Variants in ZNF813 observed in about 807,000 individuals in gnomAD.
The protein encoded by ZNF813 is zinc finger protein 813.
A neutral mutation model predicts 7.2 loss-of-function variants in ZNF813; 3 were observed. That is an observed-to-expected ratio of 0.42 (90% CI 0.19 to 1.08). The LOEUF (loss-of-function observed/expected upper bound fraction) is 1.08, where lower values mean the gene tolerates loss of function less well. ZNF813 is among the 50% of genes least tolerant of loss of function. The pLI is 0.30. For synonymous variants in ZNF813, 227 were observed against 256.3 expected (o/e 0.89, Z 1.09); for missense variants, 714 against 753.3 (o/e 0.95, Z 0.61).
At chr19:53,490,238 A>T in intron 3 of ZNF813, 137 bp from the exon 4 acceptor site, 1 of 1,011,354 alleles carries the variant, frequency 9.9e-7, no homozygotes, top group Non-Finnish European at 1.4e-6. Flanking sequence ...AAAGAATCTT[A>T]CGCTTTTGTG....
chr19:53,486,891 C>A, intron 3 of ZNF813, 133 bp downstream of exon 3: 3 of 1,497,872 alleles, frequency 2.0e-6, no homozygotes, highest in Non-Finnish European at 8.9e-7. Flanking sequence ...TCACTGCGAT[C>A]TTGAATTCCT....
At position 53,490,489 on chromosome 19, in the gene ZNF813, G is replaced by C. The variant is rs776116657; in HGVS notation, c.257G>C (p.Arg86Pro). 1.9e-6 allele frequency: 3 copies of C among 1,613,960 alleles called. No individual in the cohort carries two copies. The highest frequency in any genetic ancestry group is 2.5e-6 in the Non-Finnish European group (3 of 1,180,026). ...GAAAGTCATCACACTGGAGACTTTC[G>C]CTTTCAGGAAATTGATAAAGATATT... is the stretch of plus-strand genomic sequence containing the variant. ...RHESHHTGDF[R>P]FQEIDKDIHN... The change falls in exon 4 of 4, where the codon CGC becomes CCC. Residue 86 changes from arginine (R) to proline (P), a missense_variant. Physicochemically the swap from Arg to Pro is moderately radical, Grantham distance 103. Transcript: ENST00000396403.
intron 1 of ZNF813, among the ~76,000 whole-genome samples, chr19:53,470,255 G>A (rs911268404): frequency 1.2e-4 from 19 of 152,284 alleles, no homozygotes; most frequent in East Asian, 3.9e-4. Flanking sequence ...CGCAAACAGC[G>A]TTATGTTATA....
At chr19:53,479,190 C>T (rs1266461539) in intron 1 of ZNF813, among the ~76,000 whole-genome samples, 1 of 152,186 alleles carries the variant, frequency 6.6e-6, no homozygotes. Context: ...TTGCTTCGGC[C>T]CCCCAAAGTG....
At chr19:53,470,515 T>G (rs2086353635) in intron 1 of ZNF813, among the ~76,000 whole-genome samples, 1 of 131,362 alleles carries the variant, frequency 7.6e-6, no homozygotes, top group Admixed American at 7.7e-5. Context: ...ATTAGCTGAG[T>G]GGTAGTCTGC....
At chr19:53,477,196 T>C (rs1297917700) in intron 1 of ZNF813, among the ~76,000 whole-genome samples, 1 of 152,174 alleles carries the variant, frequency 6.6e-6, no homozygotes, top group African/African-American at 2.4e-5. Flanking sequence ...CATGCAAATC[T>C]TGCACCAGCC....
rs527968880 is a variant in ZNF813, at chr19:53,470,012, A to G, written c.-74+2223A>G. On this transcript the variant is annotated intron_variant, in intron 1 of 3. Transcript: ENST00000396403. ...TTATAAGCAGGCTTACAGAAGCAAAATAAAAGCAGTTAATCATGTAATGAT... is the reference window on the plus strand; with the variant it reads ...TTATAAGCAGGCTTACAGAAGCAAAGTAAAAGCAGTTAATCATGTAATGAT... Among the ~76,000 whole-genome samples the G allele has an allele frequency of 4.0e-5, 6 of 151,756 alleles. No individual in the cohort carries two copies. The South Asian group carries it at 1.3e-3, about 32-fold the overall frequency.
At chr19:53,477,701 C>T (rs905871616) in intron 1 of ZNF813, among the ~76,000 whole-genome samples, 1 of 152,038 alleles carries the variant, frequency 6.6e-6, no homozygotes, top group Admixed American at 6.6e-5. Flanking sequence ...CACACCTGTA[C>T]TCCCAGCTAC....
chr19:53,487,580 C>T (rs10411175), intron 3 of ZNF813, among the ~76,000 whole-genome samples: 69,853 of 151,718 alleles, frequency 0.46, 16,313 homozygotes, highest in Admixed American at 0.52. Context: ...GGCAAATCAC[C>T]TGAGGTCAGG....
intron 1 of ZNF813, among the ~76,000 whole-genome samples, chr19:53,471,654 A>G (rs915897518): frequency 6.6e-6 from 1 of 151,838 alleles, no homozygotes; most frequent in Non-Finnish European, 1.5e-5. Flanking sequence ...CTAAAAATAC[A>G]AAAAGCAATT....
rs1265454980 is a variant in ZNF813 at position 53,491,344 on chromosome 19, C to T, written c.1112C>T (p.Thr371Ile). The T allele has an allele frequency of 4.3e-6, 7 of 1,612,674 alleles. No homozygotes were observed. The highest frequency in any genetic ancestry group is 5.9e-6 in the Non-Finnish European group (7 of 1,179,254). ...ACCTTTAGTCGGAAGTCATCCCTTA[C>T]ATGCCATCATAGACTTCATACGGGA... ...GKTFSRKSSL[T>I]CHHRLHTGEK... Residue 371 changes from threonine (T) to isoleucine (I), a missense_variant, in exon 4 of 4, where the codon ACA (threonine) becomes ATA (isoleucine). Transcript: ENST00000396403.
At position 53,472,850 on chromosome 19, in the gene ZNF813, G is replaced by T. The variant is rs139302230; in HGVS notation, c.-74+5061G>T. On this transcript the variant is annotated intron_variant, in intron 1 of 3. Transcript: ENST00000396403. ...TGGTCTCGAACTCCCGACCTCAGGT[G>T]ATCCACCTGCCTCGGCCTCCCAGAG... Among the ~76,000 whole-genome samples the T allele has an allele frequency of 6.3e-3, 951 of 152,156 alleles. 12 individuals are homozygous for T. The highest frequency in any genetic ancestry group is 0.021 in the African/African-American group (892 of 41,500).
intron 1 of ZNF813, among the ~76,000 whole-genome samples, chr19:53,474,241 C>T (rs1353386026): frequency 2.0e-5 from 3 of 152,170 alleles, no homozygotes; most frequent in African/African-American, 7.2e-5. Flanking sequence ...CGGAGCAGTT[C>T]GGTAAAGTTT....
At position 53,496,046 on chromosome 19, in the gene ZNF813, A is replaced by G; in HGVS notation, c.*3960A>G. On this transcript the variant is annotated 3_prime_UTR_variant, in exon 4 of 4. Coordinates refer to ENST00000396403, the MANE Select transcript of ZNF813 (RefSeq NM_001004301.4). ...CGAAGCGGGGTCTATAAGGAATTGC[A>G]CGTGAGATGGCACACATATTTATGC... The G allele has an allele frequency of 3.0e-6, 1 of 338,596 alleles. No homozygotes were observed. The highest frequency in any genetic ancestry group is 5.8e-6 in the Non-Finnish European group (1 of 172,838). 21.0% of individuals were successfully genotyped at this position (338,596 alleles called of 1,614,324 possible).
intron 1 of ZNF813, among the ~76,000 whole-genome samples, chr19:53,472,863 C>A (rs1029456084): frequency 1.3e-5 from 2 of 152,064 alleles, no homozygotes; most frequent in African/African-American, 4.8e-5. Context: ...CCACCTGCCT[C>A]GGCCTCCCAG....
rs766270427 is a variant in ZNF813, at chr19:53,491,017, G to A, written c.785G>A (p.Arg262His). Residue 262 changes from arginine (R) to histidine (H), a missense_variant, in exon 4 of 4, where the codon CGT becomes CAT. Transcript: ENST00000396403. ...CGGAAGCGAAACCTAGTGTGCCATC[G>A]TAGATGTCACACTGGGGAGAAACCT... ...FNRKRNLVCH[R>H]RCHTGEKPYR... 3.3e-5 allele frequency: 54 copies of A among 1,614,042 alleles called. No individual in the cohort carries two copies. Among genetic ancestry groups the A allele is most frequent in the East Asian group, 8.9e-5 (4 of 44,898 alleles).
intron 1 of ZNF813, among the ~76,000 whole-genome samples, chr19:53,468,983 A>AT (rs1555841618): frequency 1.3e-5 from 2 of 151,224 alleles, no homozygotes; most frequent in Admixed American, 1.3e-4. Flanking sequence ...GTGGGGGGAA[A>AT]CTTGGACAAT....
rs770068923 is a variant in ZNF813 at position 53,490,906 on chromosome 19, A to G, written c.674A>G (p.Asn225Ser). 9.9e-6 allele frequency: 16 copies of G among 1,614,172 alleles called. No homozygotes were observed. The highest frequency in any genetic ancestry group is 1.4e-5 in the Non-Finnish European group (16 of 1,180,002). The stretch of plus-strand genomic sequence containing the variant: ...TGTAATGAGAGTGGCAAAGCCTTTA[A>G]TTATAGCTCACTCTTAAGGAAACAT... ...FQCNESGKAF[N>S]YSSLLRKHQI... Residue 225 changes from asparagine to serine, a missense_variant, in exon 4 of 4, where the codon AAT (asparagine) becomes AGT (serine). Asn to Ser is a conservative substitution (Grantham distance 46, BLOSUM62 1). Coordinates refer to ENST00000396403, the MANE Select transcript of ZNF813 (RefSeq NM_001004301.4).
In ZNF813 at chr19:53,496,130, G is replaced by C. The variant is rs961491600; in HGVS notation, c.*4044G>C. 1 of 234,822 alleles carries C rather than the reference G, an allele frequency of 4.3e-6. No homozygotes were observed. Among genetic ancestry groups the C allele is most frequent in the Non-Finnish European group, 8.8e-6 (1 of 113,386 alleles). The allele number at this position is 234,822 out of a possible 1,614,324, so 14.5% of individuals were successfully genotyped here. ...GCTGAAAATGTCACCACTATCTGGA[G>C]TGTTGGAAATGTTTTATTGGGAATA... On this transcript the variant is annotated 3_prime_UTR_variant, in exon 4 of 4. Coordinates refer to ENST00000396403, the MANE Select transcript of ZNF813 (RefSeq NM_001004301.4).
Sources: allele counts gnomAD v4.1 joint callset (sites outside exome capture counted in the v4.1 genomes callset), GRCh38; gene constraint gnomAD v4.1.1; transcripts MANE v1.5; gene names NCBI Gene and HGNC (gene_info 2026-07-23, HGNC 2026-07-21).